The following SLIT3 variants were observed in gnomAD, a reference collection of about 807,000 sequenced individuals.
SLIT3 encodes slit guidance ligand 3.
Under a neutral mutation model 184.0 loss-of-function variants are expected in SLIT3, and 68 were observed. The observed-to-expected ratio is 0.37, with a 90% CI of 0.30 to 0.45. The LOEUF (loss-of-function observed/expected upper bound fraction) is 0.45, where lower values mean the gene tolerates loss of function less well. Among genes scored for constraint, SLIT3 ranks in the 20% least tolerant of loss-of-function variants. The pLI, the probability that SLIT3 is intolerant of heterozygous loss-of-function variation, is 1.00. For missense variants in SLIT3, 1,707 were observed against 2,026.0 expected (o/e 0.84, Z 3.02); for synonymous variants, 831 against 828.6 (o/e 1.00, Z -0.05).
intron 21 of SLIT3, among the ~76,000 whole-genome samples, chr5:168,723,736 G>C (rs1763017845): frequency 6.6e-6 from 1 of 152,234 alleles, no homozygotes; most frequent in Non-Finnish European, 1.5e-5. Flanking sequence ...ATCCAGAGCT[G>C]TGGCAATGTT....
chr5:168,761,291 G>A (rs965270883), intron 15 of SLIT3, among the ~76,000 whole-genome samples: 3 of 152,062 alleles, frequency 2.0e-5, no homozygotes, highest in Admixed American at 2.0e-4. Context: ...TTTCTCCAGG[G>A]TCTCCCAACC....
intron 4 of SLIT3, among the ~76,000 whole-genome samples, chr5:169,032,258 A>G (rs1248284331): frequency 6.6e-6 from 1 of 152,178 alleles, no homozygotes; most frequent in Non-Finnish European, 1.5e-5. Context: ...AGCTCTGAGT[A>G]AATATGAAAG....
rs1755186630 is a variant in SLIT3 at position 168,987,802 on chromosome 5, G to A, written c.414-104466C>T. Among the ~76,000 whole-genome samples, 3 of 152,202 alleles carry A rather than the reference G, an allele frequency of 2.0e-5. No individual in the cohort carries two copies. The South Asian group carries it at 6.2e-4, about 32-fold the overall frequency. The stretch of plus-strand genomic sequence containing the variant: ...GGAGGAAGCTTTTATTTCCAGAACG[G>A]GAAAGAACGAAATGATTTCTTATGG... On this transcript the variant is annotated intron_variant, in intron 4 of 35. Transcript: ENST00000519560.
intron 4 of SLIT3, among the ~76,000 whole-genome samples, chr5:168,883,999 A>C (rs1019861900): frequency 6.6e-6 from 1 of 152,008 alleles, no homozygotes; most frequent in African/African-American, 2.4e-5. Context: ...TGTTGCTTTG[A>C]GGAGGGTGAG....
At chr5:168,711,514 C>G (rs796813829) in intron 24 of SLIT3, among the ~76,000 whole-genome samples, 66 of 151,808 alleles carry the variant, frequency 4.3e-4, no homozygotes, top group African/African-American at 1.5e-3. Flanking sequence ...GACGAAAATA[C>G]TAGAAATTCT....
chr5:169,193,430 C>G, intron 4 of SLIT3, 49 bp downstream of exon 4: 1 of 1,524,444 alleles, frequency 6.6e-7, no homozygotes, highest in Non-Finnish European at 9.1e-7. Context: ...TCCACATCAC[C>G]CAAGCCAGGC....
chr5:168,729,683 C>CA (rs1289943914), intron 20 of SLIT3, among the ~76,000 whole-genome samples: 1 of 151,582 alleles, frequency 6.6e-6, no homozygotes, highest in Admixed American at 6.6e-5. Context: ...TTCACTATCA[C>CA]AAAAAATCAT....
At chr5:168,996,484 T>C (rs1203152161) in intron 4 of SLIT3, among the ~76,000 whole-genome samples, 4 of 152,210 alleles carry the variant, frequency 2.6e-5, no homozygotes, top group Non-Finnish European at 1.5e-5. Context: ...CCCAAACCTA[T>C]GCAAAAGAAA....
intron 35 of SLIT3, among the ~76,000 whole-genome samples, chr5:168,668,927 C>T (rs900448869): frequency 2.6e-5 from 4 of 152,228 alleles, no homozygotes; most frequent in Non-Finnish European, 5.9e-5. Context: ...CGCCATGATG[C>T]CCAGCTAATT....
At chr5:168,704,330 C>G (rs1049354828) in intron 26 of SLIT3, among the ~76,000 whole-genome samples, 4 of 138,764 alleles carry the variant, frequency 2.9e-5, no homozygotes, top group Admixed American at 6.8e-5. Context: ...GAAGTATCTA[C>G]TGAATCCTGG....
intron 2 of SLIT3, among the ~76,000 whole-genome samples, chr5:169,249,802 G>T (rs1765712355): frequency 6.6e-6 from 1 of 152,230 alleles, no homozygotes; most frequent in Non-Finnish European, 1.5e-5. Flanking sequence ...ATACATGGCT[G>T]CTGGGGCAAA....
intron 4 of SLIT3, among the ~76,000 whole-genome samples, chr5:168,934,137 T>G (rs1481698983): frequency 1.3e-5 from 2 of 152,204 alleles, no homozygotes; most frequent in African/African-American, 4.8e-5. Context: ...TTCAGCTTTA[T>G]TGTCCTCTAA....
chr5:169,214,130 C>T (rs979419012), intron 3 of SLIT3, among the ~76,000 whole-genome samples: 2 of 152,218 alleles, frequency 1.3e-5, no homozygotes, highest in African/African-American at 4.8e-5. Flanking sequence ...CAAACACCTC[C>T]TTCCCAAGGG....
intron 4 of SLIT3, among the ~76,000 whole-genome samples, chr5:169,144,717 G>A (rs954966884): frequency 1.3e-5 from 2 of 152,232 alleles, no homozygotes; most frequent in African/African-American, 4.8e-5. Flanking sequence ...CCTTCGGGCT[G>A]ACTTCTATGG....
At chr5:168,955,362 C>T (rs1013623239) in intron 4 of SLIT3, among the ~76,000 whole-genome samples, 1 of 152,196 alleles carries the variant, frequency 6.6e-6, no homozygotes, top group Non-Finnish European at 1.5e-5. Context: ...GTGTGGCTGC[C>T]TTCTCTAGGT....
At chr5:168,733,029 G>A (rs918953303) in intron 20 of SLIT3, among the ~76,000 whole-genome samples, 1 of 151,948 alleles carries the variant, frequency 6.6e-6, no homozygotes. Context: ...ACAACCTGCA[G>A]GATGGGAAAA....
At chr5:169,102,960 AT>A (rs1161506475) in intron 4 of SLIT3, among the ~76,000 whole-genome samples, 1 of 152,112 alleles carries the variant, frequency 6.6e-6, no homozygotes, top group Non-Finnish European at 1.5e-5. Context: ...CAGAAACCCC[AT>A]TTTTTCCTCA....
chr5:168,878,443 G>A (rs1368951953), intron 5 of SLIT3, among the ~76,000 whole-genome samples: 1 of 152,198 alleles, frequency 6.6e-6, no homozygotes, highest in African/African-American at 2.4e-5. Context: ...AAAGTTGCAT[G>A]CTTGCCTACT....
At chr5:168,945,765 G>T (rs539258883) in intron 4 of SLIT3, among the ~76,000 whole-genome samples, 1 of 152,358 alleles carries the variant, frequency 6.6e-6, no homozygotes, top group East Asian at 1.9e-4. Context: ...CAAAACGCAT[G>T]CATATGTGGC....
Sources: allele counts gnomAD v4.1 joint callset (sites outside exome capture counted in the v4.1 genomes callset), GRCh38; gene constraint gnomAD v4.1.1; transcripts MANE v1.5; gene names NCBI Gene and HGNC (gene_info 2026-07-23, HGNC 2026-07-21).